The following GRIK4 variants were observed in gnomAD, a reference collection of about 807,000 sequenced individuals.
GRIK4 encodes the protein glutamate receptor ionotropic, kainate 4.
Under a neutral mutation model 104.9 loss-of-function variants are expected in GRIK4, and 40 were observed. The observed-to-expected ratio is 0.38, with a 90% CI of 0.30 to 0.50. The LOEUF (loss-of-function observed/expected upper bound fraction) is 0.50. Among genes scored for constraint, GRIK4 ranks in the 20% least tolerant of loss-of-function variants. The pLI, the probability that GRIK4 is intolerant of heterozygous loss-of-function variation, is 0.93. For missense variants in GRIK4, 1,047 were observed against 1,308.1 expected (o/e 0.80, Z 3.08); for synonymous variants, 485 against 524.9 (o/e 0.92, Z 1.04).
rs1183351855 is a variant in GRIK4 at position 120,581,407 on chromosome 11, TGTA to T, written c.-159+69524_-159+69526del. Among the ~76,000 whole-genome samples the T allele has an allele frequency of 1.1e-4, 16 of 152,366 alleles. No individual in the cohort carries two copies. The East Asian group carries it at 2.7e-3, about 26-fold the overall frequency. ...GATTTTGTAGTTTCTTGTTTTTAATTGTAGTAAAATACACATAACATAAAATTT... is the reference window on the plus strand; with the variant it reads ...GATTTTGTAGTTTCTTGTTTTTAATTGTAAAATACACATAACATAAAATTT... On this transcript the variant is annotated intron_variant, in intron 1 of 20. Coordinates refer to ENST00000527524, the MANE Select transcript of GRIK4 (RefSeq NM_014619.5).
At chr11:120,854,198 C>T (rs1466405638) in intron 8 of GRIK4, among the ~76,000 whole-genome samples, 4 of 152,162 alleles carry the variant, frequency 2.6e-5, no homozygotes, top group African/African-American at 9.7e-5. Context: ...CATGAGGCTG[C>T]CAGCCTCCTC....
intron 3 of GRIK4, among the ~76,000 whole-genome samples, chr11:120,685,680 T>G (rs7121857): frequency 0.46 from 69,635 of 151,978 alleles, 16,161 homozygotes; most frequent in East Asian, 0.49. Flanking sequence ...AATGGCATTT[T>G]CTTGGTCTTC....
At chr11:120,688,135 C>G (rs1294014266) in intron 3 of GRIK4, among the ~76,000 whole-genome samples, 1 of 152,190 alleles carries the variant, frequency 6.6e-6, no homozygotes, top group East Asian at 1.9e-4. Flanking sequence ...ATGACATACC[C>G]TCCGGAAGTG....
chr11:120,630,330 A>G (rs1189772811), intron 1 of GRIK4, among the ~76,000 whole-genome samples: 3 of 152,214 alleles, frequency 2.0e-5, no homozygotes, highest in Non-Finnish European at 2.9e-5. Flanking sequence ...CTGCCTGACC[A>G]TTTTGTGGTG....
intron 1 of GRIK4, among the ~76,000 whole-genome samples, chr11:120,645,209 T>G (rs1341786120): frequency 6.6e-6 from 1 of 152,156 alleles, no homozygotes; most frequent in African/African-American, 2.4e-5. Flanking sequence ...GATCTGTTTC[T>G]CTGCAAAGCC....
chr11:120,771,392 GA>G (rs1442198606), intron 3 of GRIK4, among the ~76,000 whole-genome samples: 2 of 152,232 alleles, frequency 1.3e-5, no homozygotes, highest in East Asian at 3.8e-4. Context: ...TTGTAATATA[GA>G]AGGTCTAACT....
intron 7 of GRIK4, among the ~76,000 whole-genome samples, chr11:120,836,046 A>T (rs1028787443): frequency 6.6e-6 from 1 of 152,188 alleles, no homozygotes; most frequent in African/African-American, 2.4e-5. Context: ...GAATACCCTT[A>T]TGACTCTGCC....
intron 1 of GRIK4, among the ~76,000 whole-genome samples, chr11:120,540,558 G>A (rs3892497): frequency 0.26 from 39,584 of 151,986 alleles, 6,715 homozygotes; most frequent in Non-Finnish European, 0.38. Context: ...AGGTTGCAGT[G>A]AGCAGAGATC....
At chr11:120,864,953 G>A (rs778678138) in intron 9 of GRIK4, among the ~76,000 whole-genome samples, 3 of 152,332 alleles carry the variant, frequency 2.0e-5, no homozygotes, top group Middle Eastern at 3.4e-3. Context: ...CCCGTGGGCC[G>A]CAGATTCTTT....
At chr11:120,516,683 G>A (rs1192133727) in intron 1 of GRIK4, among the ~76,000 whole-genome samples, 1 of 152,148 alleles carries the variant, frequency 6.6e-6, no homozygotes, top group Admixed American at 6.5e-5. Flanking sequence ...AAGCTTGAAT[G>A]ACATTTTCAA....
chr11:120,974,716 G>A (rs1372127102), intron 19 of GRIK4, among the ~76,000 whole-genome samples: 5 of 152,072 alleles, frequency 3.3e-5, no homozygotes, highest in African/African-American at 4.8e-5. Context: ...TTACCCCTTC[G>A]CTTCCTCGCC....
At chr11:120,954,782 TACAC>T (rs768646075) in intron 15 of GRIK4, among the ~76,000 whole-genome samples, 1,203 of 107,944 alleles carry the variant, frequency 0.011, 18 homozygotes, top group African/African-American at 0.028. Flanking sequence ...TCTCTCTCAC[TACAC>T]ACACACACAC....
chr11:120,590,467 G>A lies in GRIK4; in HGVS notation c.-158-63218G>A, dbSNP rs530598640. 3.3e-5 allele frequency among the ~76,000 whole-genome samples: 5 copies of A among 152,258 alleles called. No homozygotes were observed. The South Asian group carries it at 6.2e-4, about 19-fold the overall frequency. ...TCTGCAGCCCTAGATGAGTCCTATC[G>A]ATGCCTCCCTGCACCCTGACATCCA... On this transcript the variant is annotated intron_variant, in intron 1 of 20. Transcript: ENST00000527524.
intron 4 of GRIK4, among the ~76,000 whole-genome samples, chr11:120,814,106 C>G (rs1340310183): frequency 1.3e-5 from 2 of 152,224 alleles, no homozygotes; most frequent in Non-Finnish European, 2.9e-5. Flanking sequence ...GGCTCCTACT[C>G]TCTAGAATGC....
At chr11:120,629,729 A>G (rs551936327) in intron 1 of GRIK4, among the ~76,000 whole-genome samples, 49 of 152,276 alleles carry the variant, frequency 3.2e-4, no homozygotes, top group African/African-American at 1.2e-3. Flanking sequence ...TGTTGTTTGT[A>G]TTGACAGCAC....
At chr11:120,958,250 C>A (rs1944210402) in intron 16 of GRIK4, among the ~76,000 whole-genome samples, 1 of 152,276 alleles carries the variant, frequency 6.6e-6, no homozygotes, top group Admixed American at 6.5e-5. Flanking sequence ...GGAAATCCCT[C>A]CTCCAGGACC....
At chr11:120,898,714 C>T (rs1942652629) in intron 12 of GRIK4, 75 bp downstream of exon 12, 2 of 797,302 alleles carry the variant, frequency 2.5e-6, no homozygotes, top group Non-Finnish European at 4.4e-6. Context: ...CACAGGCTGC[C>T]CCTTGAACAG....
chr11:120,832,145 AC>A, intron 7 of GRIK4, 115 bp downstream of exon 7: 1 of 624,644 alleles, frequency 1.6e-6, no homozygotes, highest in African/African-American at 1.8e-5. Context: ...CTGAACTCTT[AC>A]AAACCTCTCT....
intron 3 of GRIK4, among the ~76,000 whole-genome samples, chr11:120,681,567 G>A (rs987375487): frequency 2.0e-4 from 31 of 152,324 alleles, no homozygotes; most frequent in African/African-American, 7.2e-4. Flanking sequence ...TTAGCTGCTG[G>A]CTGCCTGTTC....
Sources: gnomAD v4.1 joint callset for allele counts (sites outside exome capture counted in the v4.1 genomes callset) on GRCh38, gnomAD v4.1.1 for gene constraint, MANE v1.5 for transcripts, NCBI Gene and HGNC (gene_info 2026-07-23, HGNC 2026-07-21) for gene names.